DTD1: variants seen among roughly 807,000 people sequenced by gnomAD.
DTD1 encodes D-aminoacyl-tRNA deacylase 1.
DTD1 carries 13 observed loss-of-function variants against 25.6 expected under a neutral mutation model. The observed-to-expected ratio is 0.51, with a 90% CI of 0.33 to 0.81. The LOEUF is 0.81. Ranked by LOEUF, DTD1 falls within the 30% of genes least tolerant of loss-of-function variation. DTD1 has a pLI of 0.02. For missense variants in DTD1, 193 were observed against 266.4 expected (o/e 0.72, Z 1.92); for synonymous variants, 110 against 103.6 (o/e 1.06, Z -0.37).
intron 4 of DTD1, among the ~76,000 whole-genome samples, chr20:18,657,735 T>C (rs1329159858): frequency 6.6e-6 from 1 of 152,188 alleles, no homozygotes; most frequent in South Asian, 2.1e-4. Flanking sequence ...TAGTATCTCA[T>C]GTAGTTTCTG....
intron 4 of DTD1, among the ~76,000 whole-genome samples, chr20:18,733,234 T>C (rs994065181): frequency 6.6e-6 from 1 of 152,214 alleles, no homozygotes; most frequent in East Asian, 1.9e-4. Flanking sequence ...TCTCAGTGAC[T>C]GAGGACCACT....
At chr20:18,610,519 A>C (rs971632787) in intron 3 of DTD1, among the ~76,000 whole-genome samples, 6 of 152,252 alleles carry the variant, frequency 3.9e-5, no homozygotes, top group African/African-American at 7.2e-5. Context: ...TTTGATGAAA[A>C]ATTGACATAA....
intron 5 of DTD1, among the ~76,000 whole-genome samples, chr20:18,754,420 C>T (rs1198082337): frequency 6.6e-6 from 1 of 152,220 alleles, no homozygotes; most frequent in Admixed American, 6.5e-5. Flanking sequence ...CAGGTGTCCC[C>T]AGCCTCTGGG....
At chr20:18,610,435 G>C (rs1336891440) in intron 3 of DTD1, among the ~76,000 whole-genome samples, 1 of 152,150 alleles carries the variant, frequency 6.6e-6, no homozygotes, top group African/African-American at 2.4e-5. Flanking sequence ...ATTATATGAA[G>C]TGCCTGGGGC....
At chr20:18,600,907 G>A (rs2060631283) in intron 3 of DTD1, among the ~76,000 whole-genome samples, 1 of 152,064 alleles carries the variant, frequency 6.6e-6, no homozygotes, top group Non-Finnish European at 1.5e-5. Flanking sequence ...GTTCATTGCT[G>A]GTATATAGGA....
intron 4 of DTD1, among the ~76,000 whole-genome samples, chr20:18,684,232 C>T (rs1042596867): frequency 6.6e-6 from 1 of 152,056 alleles, no homozygotes; most frequent in Admixed American, 6.6e-5. Flanking sequence ...ATGATGGGCT[C>T]CCAGGAGTTT....
chr20:18,609,255 A>G (rs1187927139), intron 3 of DTD1, among the ~76,000 whole-genome samples: 2 of 151,532 alleles, frequency 1.3e-5, no homozygotes, highest in East Asian at 3.9e-4. Context: ...TGATCCTCCT[A>G]CCTCAGCCTC....
At chr20:18,607,849 G>T (rs2060667494) in intron 3 of DTD1, among the ~76,000 whole-genome samples, 1 of 152,004 alleles carries the variant, frequency 6.6e-6, no homozygotes, top group South Asian at 2.1e-4. Flanking sequence ...GAGTAGCTGG[G>T]ATTACAGGTG....
chr20:18,760,796 C>G (rs1318097227), intron 5 of DTD1, among the ~76,000 whole-genome samples: 3 of 152,224 alleles, frequency 2.0e-5, no homozygotes, highest in African/African-American at 7.2e-5. Flanking sequence ...GCAGAGGTTT[C>G]TGCTGCCTTT....
chr20:18,704,123 C>G (rs960508993), intron 4 of DTD1, among the ~76,000 whole-genome samples: 6 of 151,990 alleles, frequency 3.9e-5, no homozygotes, highest in Admixed American at 1.3e-4. Context: ...GCTTCAGCCT[C>G]CTGAGTAGCT....
rs1020827648 is a variant in DTD1 at position 18,730,899 on chromosome 20, A to G, written c.478-13201A>G. On this transcript the variant is annotated intron_variant, in intron 4 of 5. Coordinates refer to ENST00000377452, the MANE Select transcript of DTD1 (RefSeq NM_080820.6). ...ATTTGGGTCACCATCTTTTACTCTC[A>G]GACTCTGTGGACATTGTCCTGTCCT... 9.2e-5 allele frequency among the ~76,000 whole-genome samples: 14 copies of G among 152,306 alleles called. No individual in the cohort carries two copies. In the East Asian group the frequency reaches 2.3e-3, roughly 25 times the overall value.
intron 4 of DTD1, among the ~76,000 whole-genome samples, chr20:18,722,640 T>C (rs1207086484): frequency 3.9e-5 from 6 of 152,188 alleles, no homozygotes; most frequent in Non-Finnish European, 8.8e-5. Flanking sequence ...TATCCAGCTG[T>C]ATTATTGGGG....
chr20:18,655,027 G>A (rs1172818673), intron 4 of DTD1, among the ~76,000 whole-genome samples: 2 of 152,178 alleles, frequency 1.3e-5, no homozygotes, highest in African/African-American at 2.4e-5. Context: ...ATTTTAATCT[G>A]TAGTTTGGAA....
chr20:18,653,248 G>C (rs1199522339), intron 4 of DTD1, among the ~76,000 whole-genome samples: 1 of 152,156 alleles, frequency 6.6e-6, no homozygotes, highest in Non-Finnish European at 1.5e-5. Context: ...TAAAAAATTA[G>C]CTGGGTATTA....
At chr20:18,740,015 C>T (rs2061270938) in intron 4 of DTD1, among the ~76,000 whole-genome samples, 1 of 151,932 alleles carries the variant, frequency 6.6e-6, no homozygotes, top group South Asian at 2.1e-4. Context: ...AAAGCTGGCT[C>T]TCGGTGGGAG....
intron 4 of DTD1, among the ~76,000 whole-genome samples, chr20:18,721,030 T>G (rs1440751765): frequency 1.3e-5 from 2 of 152,198 alleles, no homozygotes; most frequent in Non-Finnish European, 2.9e-5. Context: ...CATCTGAGAT[T>G]AATGACAGTT....
At chr20:18,709,180 A>T (rs1179926404) in intron 4 of DTD1, among the ~76,000 whole-genome samples, 1 of 152,196 alleles carries the variant, frequency 6.6e-6, no homozygotes, top group African/African-American at 2.4e-5. Flanking sequence ...GTACACAATA[A>T]ATGTGATCAA....
intron 4 of DTD1, among the ~76,000 whole-genome samples, chr20:18,638,203 CCA>C (rs2060815280): frequency 2.6e-5 from 2 of 76,972 alleles, no homozygotes; most frequent in African/African-American, 8.6e-5. Context: ...ATCCATCCAT[CCA>C]TCCATCCATC....
intron 4 of DTD1, among the ~76,000 whole-genome samples, chr20:18,685,542 C>CTCCAGCTTCAGTGGAGGAGTGA (rs2061013289): frequency 6.6e-6 from 1 of 152,136 alleles, no homozygotes; most frequent in Admixed American, 6.5e-5. Context: ...GAGCCCTGCG[C>CTCCAGCTTCAGTGGAGGAGTGA]CTCGCTCCAG....
Sources: gnomAD v4.1 joint callset for allele counts (sites outside exome capture counted in the v4.1 genomes callset) on GRCh38, gnomAD v4.1.1 for gene constraint, MANE v1.5 for transcripts, NCBI Gene and HGNC (gene_info 2026-07-23, HGNC 2026-07-21) for gene names.